DNAH7: variants seen among roughly 807,000 people sequenced by gnomAD.
DNAH7 encodes dynein axonemal heavy chain 7.
A neutral mutation model predicts 444.6 loss-of-function variants in DNAH7; 397 were observed. That is an observed-to-expected ratio of 0.89 (90% CI 0.82 to 0.97). The LOEUF is 0.97. Among genes scored for constraint, DNAH7 ranks in the 50% least tolerant of loss-of-function variants. The pLI is 0.00. For missense variants in DNAH7, 4,902 were observed against 4,800.8 expected (o/e 1.02, Z -0.62); for synonymous variants, 1,636 against 1,624.4 (o/e 1.01, Z -0.17).
At chr2:195,875,630 AG>A (rs1701005731) in intron 38 of DNAH7, 44 bp downstream of exon 38, 1 of 1,515,820 alleles carries the variant, frequency 6.6e-7, no homozygotes, top group Non-Finnish European at 8.9e-7. Flanking sequence ...AGCTATTGCT[AG>A]GGAGATTTTT....
chr2:195,972,789 G>T (rs1691934890), intron 15 of DNAH7, among the ~76,000 whole-genome samples: 1 of 152,214 alleles, frequency 6.6e-6, no homozygotes, highest in Non-Finnish European at 1.5e-5. Context: ...CATTTTATGG[G>T]CACCTGCTAT....
At chr2:196,013,392 G>A (rs183968349) in intron 9 of DNAH7, among the ~76,000 whole-genome samples, 1 of 152,146 alleles carries the variant, frequency 6.6e-6, no homozygotes, top group Admixed American at 6.6e-5. Flanking sequence ...AGAACACAGG[G>A]ATTACTGGAG....
intron 24 of DNAH7, among the ~76,000 whole-genome samples, chr2:195,911,262 C>T (rs935596776): frequency 3.3e-5 from 5 of 152,108 alleles, no homozygotes; most frequent in Non-Finnish European, 5.9e-5. Flanking sequence ...GAGAGAAAAA[C>T]AGAAGCCAAT....
At chr2:195,821,250 T>C (rs943957618) in intron 49 of DNAH7, among the ~76,000 whole-genome samples, 1 of 152,222 alleles carries the variant, frequency 6.6e-6, no homozygotes, top group African/African-American at 2.4e-5. Context: ...AGGTTTTGCC[T>C]GATTTATAAA....
At chr2:195,958,111 G>T (rs1010074928) in intron 18 of DNAH7, among the ~76,000 whole-genome samples, 1 of 151,850 alleles carries the variant, frequency 6.6e-6, no homozygotes, top group Non-Finnish European at 1.5e-5. Context: ...CTTTTACACG[G>T]ATTTTTTTCA....
At chr2:195,756,337 A>G in intron 61 of DNAH7, 52 bp from the exon 62 acceptor site, 1 of 1,425,902 alleles carries the variant, frequency 7.0e-7, no homozygotes, top group Non-Finnish European at 9.4e-7. Context: ...ATGATAGATT[A>G]TAAGCAACCA....
At chr2:195,868,995 G>C (rs1700516057) in intron 40 of DNAH7, among the ~76,000 whole-genome samples, 1 of 151,840 alleles carries the variant, frequency 6.6e-6, no homozygotes, top group African/African-American at 2.4e-5. Flanking sequence ...TTAGTGTTAA[G>C]TTCAATTGTT....
chr2:195,988,350 C>G, intron 12 of DNAH7, 121 bp from the exon 13 acceptor site: 1 of 843,454 alleles, frequency 1.2e-6, no homozygotes, highest in East Asian at 2.9e-5. Context: ...GTTGTTTTAA[C>G]TGTTTAACCT....
chr2:195,888,578 G>C, intron 32 of DNAH7, 144 bp from the exon 33 acceptor site: 1 of 1,019,998 alleles, frequency 9.8e-7, no homozygotes, highest in Non-Finnish European at 1.4e-6. Context: ...GTCGATTTTT[G>C]TGTCTGACTT....
At chr2:195,744,706 CTGT>C (rs1693278346) in intron 63 of DNAH7, among the ~76,000 whole-genome samples, 1 of 152,220 alleles carries the variant, frequency 6.6e-6, no homozygotes, top group African/African-American at 2.4e-5. Context: ...CGAAAATCCG[CTGT>C]TCTGCAGCCA....
At position 195,881,795 on chromosome 2, in the gene DNAH7, C is replaced by G. The variant is rs1303968535; in HGVS notation, c.5961G>C (p.Thr1987=). 10 of 1,613,068 alleles carry G rather than the reference C, an allele frequency of 6.2e-6. No individual in the cohort carries two copies. Among genetic ancestry groups the G allele is most frequent in the Non-Finnish European group, 8.5e-6 (10 of 1,179,158 alleles). ...PTGTGKSVYI[T]NFLLNQLNKE... Reference sequence around the variant, plus strand: ...ATACGCAGATTTCTGCAGTACTTACCGTAATGTAAACACTTTTCCCAGTTC... The same window carrying G: ...ATACGCAGATTTCTGCAGTACTTACGGTAATGTAAACACTTTTCCCAGTTC... The change falls in exon 36 of 65, where the codon ACG becomes ACC. Residue 1987 remains threonine (T), a splice_region_variant and synonymous_variant. Transcript: ENST00000312428.
intron 47 of DNAH7, among the ~76,000 whole-genome samples, chr2:195,837,349 T>C (rs1329442053): frequency 2.6e-5 from 4 of 152,224 alleles, no homozygotes; most frequent in Non-Finnish European, 4.4e-5. Context: ...CAAGATGGGC[T>C]GGGCTTTTTA....
intron 9 of DNAH7, among the ~76,000 whole-genome samples, chr2:196,014,248 C>A (rs934111215): frequency 2.0e-5 from 3 of 152,036 alleles, no homozygotes; most frequent in African/African-American, 7.2e-5. Flanking sequence ...TAGAAAGGAT[C>A]AGGAAAAAAG....
At chr2:195,957,133 A>G in intron 19 of DNAH7, 128 bp downstream of exon 19, 1 of 785,196 alleles carries the variant, frequency 1.3e-6, no homozygotes, top group Admixed American at 3.7e-5. Context: ...ATAATAGCTG[A>G]AAAGACAATG....
Position 195,858,604 on chromosome 2 carries a change from G to A in DNAH7, c.7937C>T (p.Ala2646Val). The change falls in exon 43 of 65, where the codon GCT (alanine) becomes GTT (valine). Residue 2646 changes from alanine (A) to valine (V), a missense_variant. Ala to Val is a moderately conservative substitution (Grantham distance 64, BLOSUM62 0). Transcript: ENST00000312428. ...TTGTTCATTCGCTATTGTTTCATCA[G>A]CTTTCACTATTTTTTCAGTTTTGGC... The part of the protein sequence containing the change: ...EVAKTEKIVK[A>V]DETIANEQAM... The A allele has an allele frequency of 6.2e-7, 1 of 1,613,940 alleles. No homozygotes were observed. The highest frequency in any genetic ancestry group is 8.5e-7 in the Non-Finnish European group (1 of 1,179,930).
intron 58 of DNAH7, among the ~76,000 whole-genome samples, chr2:195,778,628 AAAAATAAAT>A (rs1396813327): frequency 4.2e-5 from 2 of 47,206 alleles, no homozygotes; most frequent in African/African-American, 2.0e-4. Flanking sequence ...GAAAAAAAAA[AAAAATAAAT>A]AAATAAATAT....
intron 8 of DNAH7, 64 bp downstream of exon 8, chr2:196,024,365 G>C: frequency 1.0e-6 from 1 of 1,001,692 alleles, no homozygotes; most frequent in Middle Eastern, 2.3e-4. Context: ...AATATAATTG[G>C]TGATATAAAC....
intron 12 of DNAH7, among the ~76,000 whole-genome samples, chr2:195,993,894 C>G (rs1004261378): frequency 2.0e-5 from 3 of 152,276 alleles, no homozygotes; most frequent in Admixed American, 6.5e-5. Context: ...AGACCCCATT[C>G]TACAGCCCAT....
At chr2:195,862,319 T>C (rs1312250711) in intron 41 of DNAH7, among the ~76,000 whole-genome samples, 1 of 152,206 alleles carries the variant, frequency 6.6e-6, no homozygotes, top group African/African-American at 2.4e-5. Context: ...GTAGGCATTA[T>C]TCCTGAAATA....
Sources: gnomAD v4.1 joint callset for allele counts (sites outside exome capture counted in the v4.1 genomes callset) on GRCh38, gnomAD v4.1.1 for gene constraint, MANE v1.5 for transcripts, NCBI Gene and HGNC (gene_info 2026-07-23, HGNC 2026-07-21) for gene names.